TRPV3: variants seen among roughly 807,000 people sequenced by gnomAD.
The protein encoded by TRPV3 is transient receptor potential cation channel subfamily V member 3.
A neutral mutation model predicts 87.1 loss-of-function variants in TRPV3; 88 were observed. The observed-to-expected ratio is 1.01, with a 90% CI of 0.85 to 1.21. TRPV3 has a LOEUF of 1.21. TRPV3 is among the 50% of genes most tolerant of loss of function. The pLI, the probability that TRPV3 is intolerant of heterozygous loss-of-function variation, is 0.00. For synonymous variants in TRPV3, 438 were observed against 423.3 expected (o/e 1.03, Z -0.43); for missense variants, 1,054 against 1,030.1 (o/e 1.02, Z -0.32).
chr17:3,543,415 G>A lies in TRPV3; in HGVS notation c.466+59C>T, dbSNP rs1019917483. 62 of 1,591,312 alleles carry A rather than the reference G, an allele frequency of 3.9e-5. No homozygotes were observed. The Admixed American group carries it at 9.1e-4, about 23-fold the overall frequency. ...GGTTGGTGAGGGGAGGGGAAAATGG[G>A]CACCAGAAGCCAAGCAGGGCCCCCA... On this transcript the variant is annotated intron_variant, in intron 5 of 17. Transcript: ENST00000576742.
At chr17:3,525,013 G>GT (rs564334546) in intron 12 of TRPV3, among the ~76,000 whole-genome samples, 25 of 152,110 alleles carry the variant, frequency 1.6e-4, no homozygotes, top group Middle Eastern at 6.8e-3. Context: ...AAATCGTGGT[G>GT]TTTTTTGGGG....
In TRPV3 at chr17:3,546,532, T is replaced by C. The variant is rs181542143; in HGVS notation, c.120-1261A>G. 9.0e-5 allele frequency: 35 copies of C among 386,806 alleles called. 1 individual carries two copies. The highest frequency in any genetic ancestry group is 6.2e-4 in the South Asian group (32 of 51,988). 24.0% of individuals were successfully genotyped at this position (386,806 alleles called of 1,614,324 possible). A position where few individuals can be genotyped will look rare whatever the true frequency, so the allele number is the denominator to read the frequency against. On this transcript the variant is annotated intron_variant, in intron 2 of 17. Coordinates refer to ENST00000576742, the MANE Select transcript of TRPV3 (RefSeq NM_145068.4). ...AGTGGGGTCGGGTGAGGGAGGACAA[T>C]TTCTAGTCTCCTCTTGTCCTGTAGT...
In TRPV3 at chr17:3,543,475, A is replaced by G; in HGVS notation, c.465T>C (p.Pro155=). 2.5e-6 allele frequency: 4 copies of G among 1,612,948 alleles called. No individual in the cohort carries two copies. The South Asian group carries it at 4.4e-5, about 18-fold the overall frequency. The change falls in exon 5 of 18, where the codon CCT becomes CCC. Residue 155 remains proline, a splice_region_variant and synonymous_variant. Coordinates refer to ENST00000576742, the MANE Select transcript of TRPV3 (RefSeq NM_145068.4). ...CCTCTGCCAGGCTCAGACACTCACCAGGCACATCCTCATCATGGCGCCGCC... is the reference window on the plus strand; with the variant it reads ...CCTCTGCCAGGCTCAGACACTCACCGGGCACATCCTCATCATGGCGCCGCC... ...LCRRRHDEDV[P]DFLMHKLTAS...
chr17:3,517,392 C>A (rs55682819), intron 15 of TRPV3, among the ~76,000 whole-genome samples: 9 of 151,776 alleles, frequency 5.9e-5, no homozygotes, highest in Admixed American at 2.0e-4. Flanking sequence ...CTGAGGCGGG[C>A]GAATCGCTTT....
At chr17:3,532,538 C>A in intron 8 of TRPV3, 119 bp downstream of exon 8, 2 of 1,313,558 alleles carry the variant, frequency 1.5e-6, no homozygotes, top group South Asian at 1.4e-5. Context: ...AAGGCTGGGA[C>A]CTTCTCAAGG....
Position 3,556,778 on chromosome 17 carries a change from G to A in TRPV3, c.-3+898C>T, listed in dbSNP as rs1031541150. On this transcript the variant is annotated intron_variant, in intron 1 of 17. Coordinates refer to ENST00000576742, the MANE Select transcript of TRPV3 (RefSeq NM_145068.4). The surrounding 1 kb of genome is among the most constrained non-coding windows in gnomAD (Gnocchi z 4.2). ...CACAGAGAGGGACTCCTGGGCACCCGGCCCTCCCGTGTCCAGTCACGGCCT... is the reference window on the plus strand; with the variant it reads ...CACAGAGAGGGACTCCTGGGCACCCAGCCCTCCCGTGTCCAGTCACGGCCT... Among the ~76,000 whole-genome samples, 5 of 152,120 alleles carry A rather than the reference G, an allele frequency of 3.3e-5. No individual in the cohort carries two copies. Among genetic ancestry groups the A allele is most frequent in the African/African-American group, 7.2e-5 (3 of 41,442 alleles).
chr17:3,531,773 C>G (rs1242451717), intron 8 of TRPV3, among the ~76,000 whole-genome samples: 1 of 152,238 alleles, frequency 6.6e-6, no homozygotes, highest in Non-Finnish European at 1.5e-5. Flanking sequence ...CACACAATTC[C>G]TCCTCTGTTG....
At chr17:3,529,996 C>T (rs866910290) in intron 9 of TRPV3, 31 bp downstream of exon 9, 2 of 1,594,748 alleles carry the variant, frequency 1.3e-6, no homozygotes, top group Admixed American at 3.4e-5. Context: ...CCTCTTCTCC[C>T]TGCCCTTCCC....
Position 3,528,039 on chromosome 17 carries a change from T to C in TRPV3, c.1489A>G (p.Ile497Val), listed in dbSNP as rs765340717. 6.2e-7 allele frequency: 1 copy of C among 1,613,644 alleles called. No homozygotes were observed. The highest frequency in any genetic ancestry group is 8.5e-7 in the Non-Finnish European group (1 of 1,179,946). ...GGCCCACTTACCTCTTTCACAGAGA[T>C]GCACATGGCCCAGATGAGCACAAAC... ...RMFVLIWAMC[I>V]SVKEGIAIFL... is the part of the protein sequence containing the mutation. Residue 497 changes from isoleucine to valine, a missense_variant, in exon 11 of 18, where the codon ATC (isoleucine) becomes GTC (valine). Transcript: ENST00000576742. The surrounding 1 kb of genome is among the most constrained non-coding windows in gnomAD (Gnocchi z 4.2).
rs201924721 is a variant in TRPV3 at position 3,532,743 on chromosome 17, G to A, written c.979C>T (p.Arg327Trp). ...GTCTCCAGCTCCCAGTTGCCACTCCGCAGTAGGATCATGTCGTACATGCGC... is the reference window on the plus strand; with the variant it reads ...GTCTCCAGCTCCCAGTTGCCACTCCACAGTAGGATCATGTCGTACATGCGC... ...VKRMYDMILL[R>W]SGNWELETTR... Residue 327 changes from arginine to tryptophan, a missense_variant, in exon 8 of 18, where the codon CGG (arginine) becomes TGG (tryptophan). Transcript: ENST00000576742. 579 of 1,614,134 alleles carry A rather than the reference G, an allele frequency of 3.6e-4. No homozygotes were observed. Among genetic ancestry groups the A allele is most frequent in the Non-Finnish European group, 4.7e-4 (557 of 1,180,054 alleles).
At chr17:3,529,607 C>A (rs1454190330) in intron 9 of TRPV3, among the ~76,000 whole-genome samples, 1 of 152,186 alleles carries the variant, frequency 6.6e-6, no homozygotes, top group Non-Finnish European at 1.5e-5. Context: ...CTCCTCAGTG[C>A]ACTCTCTGAC....
chr17:3,542,872 C>T (rs2074481156), intron 5 of TRPV3, among the ~76,000 whole-genome samples, 174 bp from the exon 6 acceptor site: 2 of 152,094 alleles, frequency 1.3e-5, no homozygotes, highest in African/African-American at 4.8e-5. Flanking sequence ...TCCTCCGTCT[C>T]CTATGCTGGC....
chr17:3,553,132 C>T (rs1468209274), intron 2 of TRPV3: 3 of 152,550 alleles, frequency 2.0e-5, no homozygotes, highest in Admixed American at 2.0e-4. Context: ...ACCGGGACTC[C>T]TCCTTCTCCT....
chr17:3,515,597 G>C (rs529951269), intron 16 of TRPV3, among the ~76,000 whole-genome samples: 26 of 151,920 alleles, frequency 1.7e-4, no homozygotes, highest in Non-Finnish European at 3.8e-4. Context: ...GGAGGCGGAG[G>C]TTGCAGTGAG....
At chr17:3,522,591 G>T (rs879501200) in intron 13 of TRPV3, among the ~76,000 whole-genome samples, 1 of 149,464 alleles carries the variant, frequency 6.7e-6, no homozygotes, top group South Asian at 2.2e-4. Flanking sequence ...AGGCCGAGGC[G>T]GACGGATCAC....
chr17:3,516,400 T>C (rs2074183678), intron 16 of TRPV3, 57 bp downstream of exon 16: 1 of 1,363,114 alleles, frequency 7.3e-7, no homozygotes, highest in Non-Finnish European at 1.1e-6. Flanking sequence ...GTCACCATCC[T>C]GCCCCTCTCT....
chr17:3,517,772 T>C (rs1035757580), intron 15 of TRPV3, among the ~76,000 whole-genome samples: 2 of 151,592 alleles, frequency 1.3e-5, no homozygotes, highest in Non-Finnish European at 1.5e-5. Context: ...GTTCTGCAGA[T>C]ATCCAAAGGC....
intron 13 of TRPV3, among the ~76,000 whole-genome samples, chr17:3,523,893 T>TACACACACAC (rs1247800485): frequency 1.6e-3 from 230 of 148,026 alleles, no homozygotes; most frequent in Middle Eastern, 7.1e-3. Context: ...ATATTCCACC[T>TACACACACAC]ACACACACAC....
chr17:3,551,737 G>T (rs923299864), intron 2 of TRPV3, among the ~76,000 whole-genome samples: 3 of 152,084 alleles, frequency 2.0e-5, no homozygotes, highest in Non-Finnish European at 4.4e-5. Flanking sequence ...TCAGGGAATG[G>T]CACGATGGTT....
Sources: allele counts gnomAD v4.1 joint callset (sites outside exome capture counted in the v4.1 genomes callset), GRCh38; gene constraint gnomAD v4.1.1; non-coding constraint Gnocchi (gnomAD v3.1); transcripts MANE v1.5; gene names NCBI Gene and HGNC (gene_info 2026-07-23, HGNC 2026-07-21).